AGBL1: variants seen among roughly 807,000 people sequenced by gnomAD.
The protein encoded by AGBL1 is AGBL carboxypeptidase 1.
In AGBL1, 130 loss-of-function variants were observed where a neutral mutation model predicts 118.9. The ratio of observed to expected loss-of-function variants is 1.09; its 90% CI spans 0.95 to 1.26. The LOEUF (loss-of-function observed/expected upper bound fraction) is 1.26. Among genes scored for constraint, AGBL1 ranks in the 50% most tolerant of loss-of-function variants. The pLI, the probability that AGBL1 is intolerant of heterozygous loss-of-function variation, is 0.00. For synonymous variants in AGBL1, 555 were observed against 478.9 expected, an observed-to-expected ratio of 1.16 and a Z score of -2.08; for missense variants, 1,584 against 1,298.1, an observed-to-expected ratio of 1.22 and a Z score of -3.38.
chr15:86,106,511 G>A (rs749460183), intron 1 of AGBL1, among the ~76,000 whole-genome samples: 40 of 152,188 alleles, frequency 2.6e-4, no homozygotes, highest in African/African-American at 4.3e-4. Flanking sequence ...GGGATGTTTG[G>A]CAATGTCTAG....
At chr15:86,229,146 T>A (rs1217788644) in intron 6 of AGBL1, among the ~76,000 whole-genome samples, 2 of 152,220 alleles carry the variant, frequency 1.3e-5, no homozygotes, top group Non-Finnish European at 2.9e-5. Context: ...TTGCAGGAAA[T>A]TTTTTAATAT....
At chr15:86,111,448 G>A (rs903166967) in intron 1 of AGBL1, among the ~76,000 whole-genome samples, 4 of 152,152 alleles carry the variant, frequency 2.6e-5, no homozygotes, top group Admixed American at 2.0e-4. Flanking sequence ...TTGGAATTTG[G>A]GTGTCAAGGT....
At chr15:86,204,299 C>G (rs2077954391) in intron 5 of AGBL1, among the ~76,000 whole-genome samples, 1 of 152,212 alleles carries the variant, frequency 6.6e-6, no homozygotes, top group African/African-American at 2.4e-5. Context: ...TTCCAGCTCA[C>G]TCCTGGTATT....
chr15:86,735,514 T>G (rs1229939875), intron 22 of AGBL1, among the ~76,000 whole-genome samples: 1 of 152,092 alleles, frequency 6.6e-6, no homozygotes, highest in East Asian at 1.9e-4. Context: ...TCTATCTATC[T>G]ATCTATAAAT....
rs139432922 is a variant in AGBL1 at position 86,703,000 on chromosome 15, T to C, written c.3158+28564T>C. ...ATGATTGGAGGATGAGGATGAATTA[T>C]CAAAGAAGACTGAGAATACATGGCC... On this transcript the variant is annotated intron_variant, in intron 22 of 22. Coordinates refer to ENST00000614907, the MANE Select transcript of AGBL1 (RefSeq NM_001386094.1). 1.8e-3 allele frequency among the ~76,000 whole-genome samples: 267 copies of C among 152,280 alleles called. 4 individuals are homozygous for C. The East Asian group carries it at 0.022, about 12-fold the overall frequency.
chr15:86,402,118 AT>A (rs1002430213), intron 18 of AGBL1, among the ~76,000 whole-genome samples: 1 of 150,884 alleles, frequency 6.6e-6, no homozygotes, highest in Non-Finnish European at 1.5e-5. Flanking sequence ...GTCACCTGTG[AT>A]TTTTTTTCAG....
At chr15:86,667,267 T>TATCTATC (rs1382465745) in intron 21 of AGBL1, among the ~76,000 whole-genome samples, 3 of 151,916 alleles carry the variant, frequency 2.0e-5, no homozygotes, top group African/African-American at 7.3e-5. Flanking sequence ...TCTATCTATC[T>TATCTATC]ATCTGTCTAT....
At chr15:86,545,258 T>TTGTTTGATAAGCCATTG (rs2142250431) in intron 19 of AGBL1, among the ~76,000 whole-genome samples, 1 of 152,326 alleles carries the variant, frequency 6.6e-6, no homozygotes, top group African/African-American at 2.4e-5. Context: ...AAATAATCCT[T>TTGTTTGATAAGCCATTG]TGTTTGATAA....
At chr15:86,705,530 T>C (rs1020935980) in intron 22 of AGBL1, among the ~76,000 whole-genome samples, 97 of 152,298 alleles carry the variant, frequency 6.4e-4, no homozygotes, top group Middle Eastern at 6.8e-3. Flanking sequence ...GCTGAATTAC[T>C]GGAAAGTATG....
At chr15:86,928,360 C>T (rs2080568288) in intron 23 of AGBL1, among the ~76,000 whole-genome samples, 1 of 152,090 alleles carries the variant, frequency 6.6e-6, no homozygotes, top group Non-Finnish European at 1.5e-5. Flanking sequence ...GAGGACCTGG[C>T]CTAAGAGAGG....
At chr15:86,250,456 G>A (rs1235349884) in intron 7 of AGBL1, among the ~76,000 whole-genome samples, 2 of 139,920 alleles carry the variant, frequency 1.4e-5, no homozygotes, top group African/African-American at 5.4e-5. Context: ...AACCCAGGAA[G>A]TGGAGGTTGC....
intron 16 of AGBL1, among the ~76,000 whole-genome samples, chr15:86,291,223 G>A (rs903929030): frequency 6.6e-6 from 1 of 152,124 alleles, no homozygotes; most frequent in Non-Finnish European, 1.5e-5. Context: ...AACTTGGTTG[G>A]ATATAGGTTT....
intron 22 of AGBL1, among the ~76,000 whole-genome samples, chr15:86,843,853 T>C (rs1008342964): frequency 5.3e-5 from 8 of 152,200 alleles, no homozygotes; most frequent in African/African-American, 1.9e-4. Context: ...AGTATTATCA[T>C]CATCCCTATT....
intron 22 of AGBL1, among the ~76,000 whole-genome samples, chr15:86,724,947 T>A (rs1012148278): frequency 4.6e-5 from 7 of 152,200 alleles, no homozygotes; most frequent in Admixed American, 1.3e-4. Context: ...TGCAGAACCA[T>A]GAGCCAATTA....
intron 23 of AGBL1, among the ~76,000 whole-genome samples, chr15:86,949,461 T>C (rs2080856937): frequency 1.3e-5 from 2 of 151,832 alleles, no homozygotes; most frequent in African/African-American, 2.4e-5. Flanking sequence ...ATAAACTAGA[T>C]GAAAAAAATC....
At chr15:86,937,746 A>G (rs1180770429) in intron 23 of AGBL1, among the ~76,000 whole-genome samples, 1 of 152,232 alleles carries the variant, frequency 6.6e-6, no homozygotes, top group Non-Finnish European at 1.5e-5. Context: ...ACAAACCCCC[A>G]TGACATGAGT....
intron 22 of AGBL1, among the ~76,000 whole-genome samples, chr15:86,752,415 C>G (rs1188734121): frequency 6.6e-6 from 1 of 152,076 alleles, no homozygotes; most frequent in Non-Finnish European, 1.5e-5. Flanking sequence ...AAAGACAAAG[C>G]CATTCATCTT....
intron 22 of AGBL1, among the ~76,000 whole-genome samples, chr15:86,731,981 A>G (rs2077533284): frequency 6.6e-6 from 1 of 152,116 alleles, no homozygotes; most frequent in South Asian, 2.1e-4. Context: ...ATCTGCAGTC[A>G]CTCTGCTTTG....
rs2077569862 is a variant in AGBL1 at position 86,182,656 on chromosome 15, TAA to T, written c.488+23632_488+23633del. On this transcript the variant is annotated intron_variant, in intron 5 of 22. Transcript: ENST00000614907. ...AATTGATTACCTCCTTTTTTTGAAC[TAA>T]AGAATAGTTTTCTTTGCTATTTCAG... Among the ~76,000 whole-genome samples the T allele has an allele frequency of 3.3e-5, 5 of 152,278 alleles. No individual in the cohort carries two copies. In the South Asian group the frequency reaches 1.0e-3, roughly 32 times the overall value.
Sources: gnomAD v4.1 joint callset for allele counts (sites outside exome capture counted in the v4.1 genomes callset) on GRCh38, gnomAD v4.1.1 for gene constraint, MANE v1.5 for transcripts, NCBI Gene and HGNC (gene_info 2026-07-23, HGNC 2026-07-21) for gene names.